Variants in CDH4 observed in about 807,000 individuals in gnomAD.
CDH4 encodes the protein cadherin 4.
In CDH4, 33 loss-of-function variants were observed where a neutral mutation model predicts 86.0. That is an observed-to-expected ratio of 0.38 (90% CI 0.29 to 0.51). The LOEUF is 0.51. CDH4 is among the 20% of genes least tolerant of loss of function. The probability of loss-of-function intolerance (pLI) is 0.86; values close to 1 mark genes in which losing one functional copy is unlikely to be tolerated. For missense variants in CDH4, 1,114 were observed against 1,307.4 expected, an observed-to-expected ratio of 0.85 and a Z score of 2.28; for synonymous variants, 555 against 549.4, an observed-to-expected ratio of 1.01 and a Z score of -0.14.
chr20:61,552,308 A>C (rs1244068020), intron 2 of CDH4, among the ~76,000 whole-genome samples: 1 of 152,256 alleles, frequency 6.6e-6, no homozygotes, highest in Non-Finnish European at 1.5e-5. Flanking sequence ...AAATGAGCAA[A>C]AGTTTTGAAT....
chr20:61,857,841 C>G (rs1393257886), intron 6 of CDH4, among the ~76,000 whole-genome samples: 1 of 152,232 alleles, frequency 6.6e-6, no homozygotes, highest in African/African-American at 2.4e-5. Context: ...GCCACAGCCC[C>G]TACTAGGATC....
intron 13 of CDH4, 58 bp from the exon 14 acceptor site, chr20:61,932,927 G>GAGGCAC (rs545514068): frequency 3.7e-4 from 583 of 1,585,430 alleles, no homozygotes; most frequent in Non-Finnish European, 4.8e-4. Context: ...GGCAAACACA[G>GAGGCAC]AGGCACACAT....
At chr20:61,614,926 G>A (rs894699741) in intron 2 of CDH4, among the ~76,000 whole-genome samples, 2 of 151,998 alleles carry the variant, frequency 1.3e-5, no homozygotes, top group Admixed American at 6.5e-5. Context: ...CCAGCACTGC[G>A]AGAGCTGCTT....
intron 5 of CDH4, among the ~76,000 whole-genome samples, chr20:61,847,031 A>C (rs528857848): frequency 3.5e-4 from 54 of 152,342 alleles, no homozygotes; most frequent in Admixed American, 1.8e-3. Flanking sequence ...AGTGATTCCC[A>C]GGTGACCTGC....
intron 2 of CDH4, among the ~76,000 whole-genome samples, chr20:61,474,704 T>C: frequency 6.6e-6 from 1 of 152,018 alleles, no homozygotes; most frequent in African/African-American, 2.4e-5. Flanking sequence ...TTCAACATTC[T>C]TTTTTTTAAA....
chr20:61,406,771 CTGCTCTGCCCAGACCACCGTG>C (rs1401031865), intron 2 of CDH4, among the ~76,000 whole-genome samples: 15 of 149,060 alleles, frequency 1.0e-4, no homozygotes, highest in African/African-American at 2.2e-4. Context: ...GGACCACCAT[CTGCTCTGCCCAGACCACCGTG>C]TGCTCTGCCC....
chr20:61,646,594 AGGTAAAGAGGGGCCGT>A (rs2087064013), intron 2 of CDH4, among the ~76,000 whole-genome samples: 1 of 152,174 alleles, frequency 6.6e-6, no homozygotes, highest in South Asian at 2.1e-4. Context: ...GGGGGGACGA[AGGTAAAGAGGGGCCGT>A]GCCCTGGGGC....
At chr20:61,468,188 A>C (rs369170416) in intron 2 of CDH4, among the ~76,000 whole-genome samples, 1 of 152,158 alleles carries the variant, frequency 6.6e-6, no homozygotes, top group Non-Finnish European at 1.5e-5. Flanking sequence ...CTGGGAGCCA[A>C]CTGATTCTGT....
intron 8 of CDH4, among the ~76,000 whole-genome samples, chr20:61,897,098 C>CA (rs1369469712): frequency 6.6e-6 from 1 of 152,242 alleles, no homozygotes; most frequent in Non-Finnish European, 1.5e-5. Context: ...GCATTTGACT[C>CA]AAGGCAACTT....
chr20:61,772,792 C>T (rs2088789085), intron 3 of CDH4, among the ~76,000 whole-genome samples: 1 of 152,066 alleles, frequency 6.6e-6, no homozygotes, highest in Admixed American at 6.5e-5. Flanking sequence ...TCGGTCTCAT[C>T]ATATTGATGG....
chr20:61,667,699 A>G lies in CDH4; in HGVS notation c.170-75864A>G, dbSNP rs1036224233. 3.3e-5 allele frequency among the ~76,000 whole-genome samples: 5 copies of G among 152,196 alleles called. No individual in the cohort carries two copies. The South Asian group carries it at 6.2e-4, about 19-fold the overall frequency. ...ATGCACACTCATGCCCTGGGAGGCAATGGAAGGGGTCGGGCTGGACTCGGG... is the reference window on the plus strand; with the variant it reads ...ATGCACACTCATGCCCTGGGAGGCAGTGGAAGGGGTCGGGCTGGACTCGGG... On this transcript the variant is annotated intron_variant, in intron 2 of 15. Coordinates refer to ENST00000614565, the MANE Select transcript of CDH4 (RefSeq NM_001794.5).
At chr20:61,764,748 C>T (rs1249887313) in intron 3 of CDH4, among the ~76,000 whole-genome samples, 1 of 152,222 alleles carries the variant, frequency 6.6e-6, no homozygotes, top group African/African-American at 2.4e-5. Flanking sequence ...CAGCCTTCGG[C>T]TTCTAACATC....
chr20:61,682,844 C>T (rs1256153830), intron 2 of CDH4, among the ~76,000 whole-genome samples: 2 of 151,870 alleles, frequency 1.3e-5, no homozygotes, highest in African/African-American at 2.4e-5. Flanking sequence ...GTTATGGAAA[C>T]GTTCTTATTG....
intron 1 of CDH4, 72 bp from the exon 2 acceptor site, chr20:61,254,754 C>A: frequency 3.1e-6 from 3 of 982,558 alleles, no homozygotes; most frequent in South Asian, 1.3e-5. Flanking sequence ...ACACAGCAGG[C>A]CCTGGATGAA....
rs780719839 is a variant in CDH4 at position 61,554,709 on chromosome 20, G to A, written c.170-188854G>A. ...AGGAGAAACACTGTGGATCTGTTGT[G>A]TGGGTGTTCCTGTGTGTACACACAT... On this transcript the variant is annotated intron_variant, in intron 2 of 15. Transcript: ENST00000614565. Among the ~76,000 whole-genome samples the A allele has an allele frequency of 5.9e-5, 9 of 152,398 alleles. No homozygotes were observed. In the South Asian group the frequency reaches 1.7e-3, roughly 28 times the overall value.
rs560537528 is a variant in CDH4 at position 61,834,129 on chromosome 20, C to T, written c.577-10539C>T. On this transcript the variant is annotated intron_variant, in intron 4 of 15. Coordinates refer to ENST00000614565, the MANE Select transcript of CDH4 (RefSeq NM_001794.5). ...CAGTCCATGCAGAGCAAGGGTGGGCCGGGGTGATTTCCAAAGACTGGCAGA... is the reference window on the plus strand; with the variant it reads ...CAGTCCATGCAGAGCAAGGGTGGGCTGGGGTGATTTCCAAAGACTGGCAGA... Among the ~76,000 whole-genome samples, 36 of 152,316 alleles carry T rather than the reference C, an allele frequency of 2.4e-4. 1 individual carries two copies. Among genetic ancestry groups the T allele is most frequent in the Admixed American group, 5.9e-4 (9 of 15,306 alleles).
At chr20:61,299,813 AAC>A (rs1462501364) in intron 2 of CDH4, among the ~76,000 whole-genome samples, 4 of 152,194 alleles carry the variant, frequency 2.6e-5, no homozygotes, top group African/African-American at 7.2e-5. Context: ...AGCGCCAAAA[AAC>A]ACAGGCTATA....
intron 5 of CDH4, among the ~76,000 whole-genome samples, chr20:61,851,113 G>A (rs1449528076): frequency 2.0e-5 from 3 of 152,232 alleles, no homozygotes; most frequent in African/African-American, 2.4e-5. Context: ...GCGACGGGGC[G>A]GGGACAGCCG....
chr20:61,518,052 C>G lies in CDH4; in HGVS notation c.170-225511C>G, dbSNP rs1026372920. Among the ~76,000 whole-genome samples the G allele has an allele frequency of 6.6e-6, 1 of 152,126 alleles. No individual in the cohort carries two copies. The highest frequency in any genetic ancestry group is 2.4e-5 in the African/African-American group (1 of 41,416). ...CCAGGTTACCTGATCCCTTTTCAGG[C>G]GCTATTTTCCCCATGCAGATAAGGC... On this transcript the variant is annotated intron_variant, in intron 2 of 15. Coordinates refer to ENST00000614565, the MANE Select transcript of CDH4 (RefSeq NM_001794.5). This position sits in a 1 kb window ranked among gnomAD's most constrained non-coding sequence, Gnocchi z 6.3.
Sources: allele counts gnomAD v4.1 joint callset (sites outside exome capture counted in the v4.1 genomes callset), GRCh38; gene constraint gnomAD v4.1.1; non-coding constraint Gnocchi (gnomAD v3.1); transcripts MANE v1.5; gene names NCBI Gene and HGNC (gene_info 2026-07-23, HGNC 2026-07-21).